The following CNTN5 variants were observed in gnomAD, a reference collection of about 807,000 sequenced individuals.
The protein encoded by CNTN5 is contactin 5.
A neutral mutation model predicts 129.1 loss-of-function variants in CNTN5; 77 were observed. The ratio of observed to expected loss-of-function variants is 0.60; its 90% CI spans 0.50 to 0.72. CNTN5 has a LOEUF of 0.72. Among genes scored for constraint, CNTN5 ranks in the 30% least tolerant of loss-of-function variants. CNTN5 has a pLI of 0.00. For synonymous variants in CNTN5, 509 were observed against 465.6 expected (o/e 1.09, Z -1.20); for missense variants, 1,478 against 1,328.8 (o/e 1.11, Z -1.75).
At chr11:99,082,359 A>G (rs1266702608) in intron 1 of CNTN5, among the ~76,000 whole-genome samples, 2 of 151,858 alleles carry the variant, frequency 1.3e-5, no homozygotes, top group African/African-American at 4.8e-5. Flanking sequence ...TAATTTTTGT[A>G]TTTTTAGTAG....
At chr11:99,807,201 A>G (rs1240035213) in intron 3 of CNTN5, among the ~76,000 whole-genome samples, 1 of 152,190 alleles carries the variant, frequency 6.6e-6, no homozygotes, top group African/African-American at 2.4e-5. Context: ...TGGTATGCAA[A>G]ATAACATAAA....
intron 9 of CNTN5, among the ~76,000 whole-genome samples, chr11:100,046,855 C>G (rs1942707799): frequency 6.6e-6 from 1 of 152,018 alleles, no homozygotes; most frequent in Admixed American, 6.6e-5. Context: ...TGTGATCCCT[C>G]AGAGAATAAA....
At chr11:100,099,678 T>A (rs1309184294) in intron 13 of CNTN5, among the ~76,000 whole-genome samples, 1 of 152,010 alleles carries the variant, frequency 6.6e-6, no homozygotes, top group Non-Finnish European at 1.5e-5. Flanking sequence ...TTTTTTTTTC[T>A]ATTAATATCA....
At position 99,461,762 on chromosome 11, in the gene CNTN5, A is replaced by T. The variant is rs1302096044; in HGVS notation, c.-70-94383A>T. ...TATAAACTCTTTTCCATGTCTGAAT[A>T]TTCTGCTAAAGTGCTAACACTTTCA... On this transcript the variant is annotated intron_variant, in intron 2 of 24. Transcript: ENST00000524871. Among the ~76,000 whole-genome samples, 4 of 152,222 alleles carry T rather than the reference A, an allele frequency of 2.6e-5. No homozygotes were observed. The South Asian group carries it at 8.3e-4, about 32-fold the overall frequency.
intron 8 of CNTN5, among the ~76,000 whole-genome samples, chr11:99,983,967 A>C (rs1488386230): frequency 1.3e-5 from 2 of 152,160 alleles, no homozygotes; most frequent in Middle Eastern, 3.2e-3. Context: ...TGGTATCATA[A>C]GAAATAAACA....
At chr11:99,563,607 C>T (rs991149374) in intron 3 of CNTN5, among the ~76,000 whole-genome samples, 1 of 150,814 alleles carries the variant, frequency 6.6e-6, no homozygotes, top group African/African-American at 2.4e-5. Flanking sequence ...GGTTAGAGCT[C>T]GGTGGTTCTT....
chr11:99,568,168 G>A (rs1297110989), intron 3 of CNTN5, among the ~76,000 whole-genome samples: 1 of 152,100 alleles, frequency 6.6e-6, no homozygotes, highest in South Asian at 2.1e-4. Context: ...TACATCAAAA[G>A]TGTTTTGGAA....
chr11:99,403,292 G>T (rs1473536363), intron 2 of CNTN5, among the ~76,000 whole-genome samples: 1 of 151,988 alleles, frequency 6.6e-6, no homozygotes, highest in African/African-American at 2.4e-5. Flanking sequence ...AAGCCACCAC[G>T]CCTGGCTTGT....
At chr11:99,754,416 T>C (rs144744993) in intron 3 of CNTN5, among the ~76,000 whole-genome samples, 3 of 152,326 alleles carry the variant, frequency 2.0e-5, no homozygotes, top group South Asian at 2.1e-4. Context: ...TGAACATTTA[T>C]AATGTTGAAA....
At chr11:99,830,700 T>C (rs1591272389) in intron 4 of CNTN5, among the ~76,000 whole-genome samples, 1 of 152,206 alleles carries the variant, frequency 6.6e-6, no homozygotes, top group Non-Finnish European at 1.5e-5. Flanking sequence ...TACAGTCTTA[T>C]GACCATTCAT....
At position 99,593,808 on chromosome 11, in the gene CNTN5, A is replaced by G. The variant is rs118115321; in HGVS notation, c.55+37539A>G. Among the ~76,000 whole-genome samples the G allele has an allele frequency of 8.5e-3, 1,298 of 152,320 alleles. 14 individuals are homozygous for G. The highest frequency in any genetic ancestry group is 0.014 in the Middle Eastern group (4 of 294). On this transcript the variant is annotated intron_variant, in intron 3 of 24. Coordinates refer to ENST00000524871, the MANE Select transcript of CNTN5 (RefSeq NM_014361.4). ...AATGTGTAACTTCTGCCAGATTCCC[A>G]TGATGTGGATTATATCCATCTCTAC...
At chr11:99,846,999 TAAAC>T (rs1947720272) in intron 6 of CNTN5, among the ~76,000 whole-genome samples, 1 of 152,222 alleles carries the variant, frequency 6.6e-6, no homozygotes, top group South Asian at 2.1e-4. Flanking sequence ...AGTAGCCTAA[TAAAC>T]TAAATAAATA....
chr11:99,931,849 A>C (rs547766558), intron 7 of CNTN5, among the ~76,000 whole-genome samples: 42 of 152,332 alleles, frequency 2.8e-4, no homozygotes, highest in Middle Eastern at 6.8e-3. Flanking sequence ...GATGTGTCAG[A>C]ATGTCTGGAA....
intron 8 of CNTN5, among the ~76,000 whole-genome samples, chr11:99,997,174 C>A (rs1030804551): frequency 6.6e-6 from 1 of 151,962 alleles, no homozygotes; most frequent in African/African-American, 2.4e-5. Flanking sequence ...TTTGTTGATC[C>A]TTTCAAAAAA....
chr11:99,650,144 A>G (rs917162440), intron 3 of CNTN5, among the ~76,000 whole-genome samples: 2 of 151,946 alleles, frequency 1.3e-5, no homozygotes, highest in African/African-American at 2.4e-5. Context: ...GGTATGGAAC[A>G]TTATTACTCA....
chr11:99,253,897 T>A (rs1591426649), intron 1 of CNTN5, among the ~76,000 whole-genome samples: 2 of 139,060 alleles, frequency 1.4e-5, no homozygotes, highest in African/African-American at 5.3e-5. Flanking sequence ...AAATATACGT[T>A]TATATATATA....
intron 2 of CNTN5, among the ~76,000 whole-genome samples, chr11:99,333,026 G>A (rs1866069383): frequency 6.6e-6 from 1 of 151,984 alleles, no homozygotes; most frequent in Non-Finnish European, 1.5e-5. Context: ...ATAATTTCAT[G>A]TGTGAAAAAG....
chr11:99,336,151 T>C (rs1866213928), intron 2 of CNTN5, among the ~76,000 whole-genome samples: 1 of 152,164 alleles, frequency 6.6e-6, no homozygotes, highest in Non-Finnish European at 1.5e-5. Context: ...TTTTAACTAG[T>C]CCCTCTAACA....
At chr11:99,456,203 A>G (rs1305276988) in intron 2 of CNTN5, among the ~76,000 whole-genome samples, 1 of 152,126 alleles carries the variant, frequency 6.6e-6, no homozygotes, top group Non-Finnish European at 1.5e-5. Flanking sequence ...TCTAAAACTG[A>G]AAGGAAAATA....
Sources: allele counts gnomAD v4.1 joint callset (sites outside exome capture counted in the v4.1 genomes callset), GRCh38; gene constraint gnomAD v4.1.1; transcripts MANE v1.5; gene names NCBI Gene and HGNC (gene_info 2026-07-23, HGNC 2026-07-21).